Variants in GABPB1 observed in about 807,000 individuals in gnomAD.
GABPB1 encodes GA binding protein transcription factor subunit beta 1.
A neutral mutation model predicts 45.9 loss-of-function variants in GABPB1; 15 were observed. That is an observed-to-expected ratio of 0.33 (90% CI 0.22 to 0.50). GABPB1 has a LOEUF of 0.50. Among genes scored for constraint, GABPB1 ranks in the 20% least tolerant of loss-of-function variants. GABPB1 has a pLI of 0.98. For synonymous variants in GABPB1, 143 were observed against 154.4 expected, an observed-to-expected ratio of 0.93 and a Z score of 0.55; for missense variants, 252 against 457.5, an observed-to-expected ratio of 0.55 and a Z score of 4.10.
intron 1 of GABPB1, among the ~76,000 whole-genome samples, chr15:50,340,811 T>A (rs1035035412): frequency 6.6e-6 from 1 of 151,730 alleles, no homozygotes; most frequent in Non-Finnish European, 1.5e-5. Context: ...TATTTTACCA[T>A]TTCATTCTCT....
intron 1 of GABPB1, among the ~76,000 whole-genome samples, chr15:50,317,770 G>T (rs1230532416): frequency 1.3e-5 from 2 of 152,016 alleles, no homozygotes; most frequent in Non-Finnish European, 2.9e-5. Context: ...TTAGCTGAGC[G>T]TGGTGATGGG....
chr15:50,342,688 A>G (rs2048419965), intron 1 of GABPB1, among the ~76,000 whole-genome samples: 2 of 152,208 alleles, frequency 1.3e-5, no homozygotes, highest in African/African-American at 2.4e-5. Context: ...GTTTTTGAAA[A>G]TATCAGCATA....
chr15:50,282,126 G>A (rs963192661), intron 8 of GABPB1, among the ~76,000 whole-genome samples: 5 of 152,178 alleles, frequency 3.3e-5, no homozygotes, highest in Non-Finnish European at 7.3e-5. Context: ...TTGAGCCCAG[G>A]GAGGTCAAGG....
At chr15:50,291,717 C>T (rs2046348039) in intron 6 of GABPB1, among the ~76,000 whole-genome samples, 1 of 151,702 alleles carries the variant, frequency 6.6e-6, no homozygotes, top group Non-Finnish European at 1.5e-5. Flanking sequence ...CCCAGGAGTT[C>T]AAGACCAGCC....
At chr15:50,318,064 A>G (rs181983130) in intron 1 of GABPB1, among the ~76,000 whole-genome samples, 83 of 152,362 alleles carry the variant, frequency 5.4e-4, no homozygotes, top group Non-Finnish European at 9.3e-4. Context: ...AACAATTTCA[A>G]TAATAATAAA....
chr15:50,283,931 A>G (rs887809030), intron 8 of GABPB1, among the ~76,000 whole-genome samples: 5 of 152,196 alleles, frequency 3.3e-5, no homozygotes, highest in African/African-American at 9.7e-5. Flanking sequence ...AAGTTTCTCA[A>G]TCTCAGCATC....
intron 1 of GABPB1, among the ~76,000 whole-genome samples, chr15:50,319,299 G>C (rs1187994816): frequency 6.6e-6 from 1 of 152,042 alleles, no homozygotes; most frequent in African/African-American, 2.4e-5. Context: ...TATTTTTATA[G>C]ATTCAGCAGG....
In GABPB1 at chr15:50,276,975, T is replaced by C. The variant is rs879774089; in HGVS notation, c.*1657A>G. 5.3e-5 allele frequency: 8 copies of C among 152,242 alleles called. No homozygotes were observed. The highest frequency in any genetic ancestry group is 1.3e-4 in the Admixed American group (2 of 15,284). The allele number at this position is 152,242 out of a possible 1,614,324, so 9.4% of individuals were successfully genotyped here. On this transcript the variant is annotated 3_prime_UTR_variant, in exon 9 of 9. Coordinates refer to ENST00000380877, the MANE Select transcript of GABPB1 (RefSeq NM_016654.5). Reference sequence around the variant, plus strand: ...TAGTGGAAAATTGAAAAAGATCTTTTTCCTCTTCCTTACAGAGTTCTTCAA... The same window carrying C: ...TAGTGGAAAATTGAAAAAGATCTTTCTCCTCTTCCTTACAGAGTTCTTCAA...
chr15:50,309,663 A>C, intron 2 of GABPB1, 28 bp downstream of exon 2: 1 of 1,319,698 alleles, frequency 7.6e-7, no homozygotes, highest in Non-Finnish European at 1.1e-6. Context: ...AAGGAAAAAG[A>C]ACACACAATA....
chr15:50,338,207 T>C (rs2048215835), intron 1 of GABPB1, among the ~76,000 whole-genome samples: 1 of 151,576 alleles, frequency 6.6e-6, no homozygotes, highest in Non-Finnish European at 1.5e-5. Flanking sequence ...ACCCAGCTAA[T>C]TTTTGTATTT....
At chr15:50,347,538 T>G (rs1393286835) in intron 1 of GABPB1, 1 of 152,190 alleles carries the variant, frequency 6.6e-6, no homozygotes, top group African/African-American at 2.4e-5. Context: ...ACTATACTAC[T>G]AATTATTTTT....
At chr15:50,334,039 AAAAAAG>A (rs1484599807) in intron 1 of GABPB1, among the ~76,000 whole-genome samples, 2 of 151,736 alleles carry the variant, frequency 1.3e-5, no homozygotes, top group African/African-American at 4.8e-5. Context: ...TCAAAAAAAA[AAAAAAG>A]AAAAAGAAAA....
chr15:50,310,501 T>C (rs2047093411), intron 1 of GABPB1, among the ~76,000 whole-genome samples: 1 of 152,240 alleles, frequency 6.6e-6, no homozygotes, highest in Non-Finnish European at 1.5e-5. Flanking sequence ...TCATCTGTTG[T>C]TGGTGCAAAT....
At chr15:50,287,715 C>T (rs2046214297) in intron 7 of GABPB1, among the ~76,000 whole-genome samples, 3 of 152,248 alleles carry the variant, frequency 2.0e-5, no homozygotes, top group South Asian at 2.1e-4. Context: ...GTTATGTCTG[C>T]TTGATACAAA....
At chr15:50,301,077 TA>T (rs1326895464) in intron 5 of GABPB1, 175 bp from the exon 6 acceptor site, 16 of 960,624 alleles carry the variant, frequency 1.7e-5, no homozygotes, top group Non-Finnish European at 2.5e-5. Context: ...TTTTGTCTCA[TA>T]AAAATCTTTT....
At chr15:50,332,791 C>A (rs1314793020) in intron 1 of GABPB1, among the ~76,000 whole-genome samples, 1 of 151,908 alleles carries the variant, frequency 6.6e-6, no homozygotes, top group Non-Finnish European at 1.5e-5. Flanking sequence ...AGACAAGGAC[C>A]TTAAATCCTA....
chr15:50,302,431 T>G (rs577736251), intron 4 of GABPB1, among the ~76,000 whole-genome samples: 1 of 151,966 alleles, frequency 6.6e-6, no homozygotes, highest in East Asian at 1.9e-4. Context: ...TCGCCTGAGC[T>G]CAAGAGTTCA....
chr15:50,284,715 T>C (rs900871666), intron 8 of GABPB1, among the ~76,000 whole-genome samples: 1 of 152,186 alleles, frequency 6.6e-6, no homozygotes, highest in African/African-American at 2.4e-5. Context: ...TTTAAAATAA[T>C]ACTTTATTAG....
At chr15:50,311,528 C>T (rs1260493896) in intron 1 of GABPB1, among the ~76,000 whole-genome samples, 2 of 152,070 alleles carry the variant, frequency 1.3e-5, no homozygotes, top group Admixed American at 6.6e-5. Context: ...AAATCTGAAA[C>T]TTTTTAAGCA....
Sources: allele counts gnomAD v4.1 joint callset (sites outside exome capture counted in the v4.1 genomes callset), GRCh38; gene constraint gnomAD v4.1.1; transcripts MANE v1.5; gene names NCBI Gene and HGNC (gene_info 2026-07-23, HGNC 2026-07-21).